Variants in LAMA2 observed in about 807,000 individuals in gnomAD.
The protein encoded by LAMA2 is laminin subunit alpha-2.
LAMA2 carries 269 observed loss-of-function variants against 364.8 expected under a neutral mutation model. That is an observed-to-expected ratio of 0.74 (90% confidence interval 0.67 to 0.82). The LOEUF (loss-of-function observed/expected upper bound fraction) is 0.82. Among genes scored for constraint, LAMA2 ranks in the 40% least tolerant of loss-of-function variants. The pLI, the probability that LAMA2 is intolerant of heterozygous loss-of-function variation, is 0.00. For missense variants in LAMA2, 3,807 were observed against 3,873.2 expected (o/e 0.98, Z 0.45); for synonymous variants, 1,379 against 1,370.6 (o/e 1.01, Z -0.14).
chr6:128,977,605 G>A (rs540789035), intron 1 of LAMA2, among the ~76,000 whole-genome samples: 2 of 151,932 alleles, frequency 1.3e-5, no homozygotes, highest in African/African-American at 4.8e-5. Flanking sequence ...TTGTACTTAC[G>A]ATAAATGTTG....
intron 12 of LAMA2, among the ~76,000 whole-genome samples, chr6:129,249,447 A>G (rs539714324): frequency 1.3e-5 from 2 of 152,310 alleles, no homozygotes; most frequent in African/African-American, 2.4e-5. Context: ...TCAAGTGTAC[A>G]TTGCATGGGG....
intron 1 of LAMA2, among the ~76,000 whole-genome samples, chr6:128,983,962 T>C (rs1277264576): frequency 6.6e-6 from 1 of 152,176 alleles, no homozygotes; most frequent in Non-Finnish European, 1.5e-5. Context: ...GATATTTATT[T>C]AGTGTGCACC....
intron 3 of LAMA2, among the ~76,000 whole-genome samples, chr6:129,081,440 G>T (rs1418572273): frequency 6.6e-6 from 1 of 152,092 alleles, no homozygotes; most frequent in Admixed American, 6.6e-5. Context: ...ATATTTTCTT[G>T]ATTTTTTCCA....
At position 129,172,993 on chromosome 6, in the gene LAMA2, C is replaced by T. The variant is rs1199143612; in HGVS notation, c.1307-4713C>T. 4.6e-5 allele frequency among the ~76,000 whole-genome samples: 7 copies of T among 152,342 alleles called. No individual in the cohort carries two copies. The East Asian group carries it at 1.4e-3, about 29-fold the overall frequency. On this transcript the variant is annotated intron_variant, in intron 9 of 64. Transcript: ENST00000421865. The stretch of plus-strand genomic sequence containing the variant: ...GGAAAGGGAACTCCCTGACCCCTTG[C>T]GCTTCCCAAGTGAGGCAATGCCTCG...
intron 41 of LAMA2, among the ~76,000 whole-genome samples, chr6:129,433,152 A>G (rs892126393): frequency 2.6e-4 from 39 of 152,208 alleles, no homozygotes; most frequent in Non-Finnish European, 8.8e-5. Flanking sequence ...CAATCATGAA[A>G]GAAGGCTAGA....
Position 129,416,234 on chromosome 6 carries a change from C to T in LAMA2, c.5866-11518C>T, listed in dbSNP as rs988497203. ...GGATTACAGGCGTGAGCCACCGCGC[C>T]CGGCCGAAATTATACACTTTCTTTG... On this transcript the variant is annotated intron_variant, in intron 40 of 64. Transcript: ENST00000421865. Among the ~76,000 whole-genome samples, 2 of 38,838 alleles carry T rather than the reference C, an allele frequency of 5.1e-5. 1 individual carries two copies. Among genetic ancestry groups the T allele is most frequent in the Non-Finnish European group, 9.6e-5 (2 of 20,904 alleles). 25.5% of individuals were successfully genotyped at this position (38,838 alleles called of 152,430 possible). A position where few individuals can be genotyped will look rare whatever the true frequency, so the allele number is the denominator to read the frequency against.
intron 3 of LAMA2, among the ~76,000 whole-genome samples, chr6:129,081,425 T>A (rs1396657940): frequency 1.3e-5 from 2 of 152,150 alleles, no homozygotes; most frequent in East Asian, 1.9e-4. Flanking sequence ...AAATGAAATG[T>A]CCGTATATTT....
intron 41 of LAMA2, among the ~76,000 whole-genome samples, chr6:129,431,214 C>T (rs1028259729): frequency 6.6e-6 from 1 of 152,008 alleles, no homozygotes; most frequent in Non-Finnish European, 1.5e-5. Context: ...GCATGGCCAG[C>T]GTGGTGAAAC....
At chr6:129,027,885 A>G (rs4576277) in intron 1 of LAMA2, among the ~76,000 whole-genome samples, 87,015 of 151,500 alleles carry the variant, frequency 0.57, 28,839 homozygotes, top group East Asian at 0.96. Flanking sequence ...TGAGATTATG[A>G]TATACTATAC....
chr6:129,246,523 A>G (rs1381556121), intron 12 of LAMA2, among the ~76,000 whole-genome samples: 1 of 152,236 alleles, frequency 6.6e-6, no homozygotes, highest in Non-Finnish European at 1.5e-5. Flanking sequence ...ACACAGGGGT[A>G]GATAGATCCT....
chr6:129,472,873 G>A (rs1295029067), intron 51 of LAMA2, among the ~76,000 whole-genome samples: 3 of 151,758 alleles, frequency 2.0e-5, no homozygotes, highest in Non-Finnish European at 4.4e-5. Flanking sequence ...TTGTTATTTA[G>A]CATTTTTAAC....
At chr6:129,024,392 T>C (rs1406201783) in intron 1 of LAMA2, among the ~76,000 whole-genome samples, 1 of 72,718 alleles carries the variant, frequency 1.4e-5, no homozygotes, top group African/African-American at 7.4e-5. Context: ...CTTTTTTTTT[T>C]TTTTTTTTTT....
chr6:129,177,659 T>C, intron 9 of LAMA2, 47 bp from the exon 10 acceptor site: 1 of 1,586,862 alleles, frequency 6.3e-7, no homozygotes, highest in Non-Finnish European at 8.7e-7. Flanking sequence ...ACAACTAAAT[T>C]ATGTACTTGT....
At chr6:129,506,734 C>A (rs2114907664) in intron 61 of LAMA2, among the ~76,000 whole-genome samples, 1 of 151,998 alleles carries the variant, frequency 6.6e-6, no homozygotes, top group Middle Eastern at 3.4e-3. Flanking sequence ...TTTGTTCATT[C>A]ATCAAAGACA....
At chr6:129,184,362 A>G (rs140643575) in intron 10 of LAMA2, among the ~76,000 whole-genome samples, 7 of 151,952 alleles carry the variant, frequency 4.6e-5, no homozygotes, top group African/African-American at 1.7e-4. Context: ...ATCTCTTGCA[A>G]CCCCTACAGT....
chr6:129,150,130 A>T (rs572206962), intron 7 of LAMA2, among the ~76,000 whole-genome samples: 1 of 152,082 alleles, frequency 6.6e-6, no homozygotes, highest in Non-Finnish European at 1.5e-5. Context: ...TGGATTAGAA[A>T]TCTCCCATTA....
intron 34 of LAMA2, among the ~76,000 whole-genome samples, chr6:129,381,173 A>G (rs547787481): frequency 9.2e-5 from 14 of 152,200 alleles, no homozygotes; most frequent in Non-Finnish European, 2.1e-4. Context: ...AGTGGTATTG[A>G]TACATTAATC....
At chr6:128,991,792 ATGTGCCCCTGACATC>A (rs1222758058) in intron 1 of LAMA2, among the ~76,000 whole-genome samples, 11 of 152,186 alleles carry the variant, frequency 7.2e-5, no homozygotes, top group African/African-American at 2.7e-4. Context: ...AAAACTTTCT[ATGTGCCCCTGACATC>A]TGTACATGTG....
intron 1 of LAMA2, among the ~76,000 whole-genome samples, chr6:128,892,086 T>C (rs1209395770): frequency 1.3e-5 from 2 of 152,056 alleles, no homozygotes; most frequent in African/African-American, 4.8e-5. Context: ...TTCTTTATTT[T>C]ATGAGCATAA....
Sources: allele counts gnomAD v4.1 joint callset (sites outside exome capture counted in the v4.1 genomes callset), GRCh38; gene constraint gnomAD v4.1.1; transcripts MANE v1.5; gene names NCBI Gene and HGNC (gene_info 2026-07-23, HGNC 2026-07-21).